Variants in PEPD observed in about 807,000 individuals in gnomAD.
PEPD encodes xaa-Pro dipeptidase.
A neutral mutation model predicts 60.7 loss-of-function variants in PEPD; 53 were observed. The ratio of observed to expected loss-of-function variants is 0.87; its 90% CI spans 0.70 to 1.10. The LOEUF (loss-of-function observed/expected upper bound fraction) is 1.10, where lower values mean the gene tolerates loss of function less well. Ranked by LOEUF, PEPD falls within the 50% of genes least tolerant of loss-of-function variation. PEPD has a pLI of 0.00. For synonymous variants in PEPD, 267 were observed against 284.1 expected (o/e 0.94, Z 0.60); for missense variants, 711 against 711.9 (o/e 1.00, Z 0.01).
At chr19:33,434,610 C>T (rs1356515486) in intron 9 of PEPD, among the ~76,000 whole-genome samples, 1 of 151,754 alleles carries the variant, frequency 6.6e-6, no homozygotes, top group Non-Finnish European at 1.5e-5. Context: ...CGCATCTGGC[C>T]TCCCTTGGTC....
intron 3 of PEPD, among the ~76,000 whole-genome samples, chr19:33,503,600 C>T (rs75538619): frequency 0.015 from 2,236 of 152,262 alleles, 20 homozygotes; most frequent in Non-Finnish European, 0.025. Context: ...CTCTCAGCAC[C>T]GAGTTGACCC....
chr19:33,428,632 C>T (rs947593809), intron 9 of PEPD, among the ~76,000 whole-genome samples: 1 of 152,208 alleles, frequency 6.6e-6, no homozygotes. Flanking sequence ...CAAGGGGCTT[C>T]TCCCACCTCT....
chr19:33,466,085 T>C (rs541314770), intron 7 of PEPD, among the ~76,000 whole-genome samples: 13 of 152,292 alleles, frequency 8.5e-5, no homozygotes, highest in East Asian at 3.9e-4. Flanking sequence ...CAGTAGAAAT[T>C]AGAACTCCAA....
rs1968219760 is a variant in PEPD, at chr19:33,391,472, C to G, written c.975G>C (p.Trp325Cys). 5 of 1,550,204 alleles carry G rather than the reference C, an allele frequency of 3.2e-6. No homozygotes were observed. In the South Asian group the frequency reaches 5.9e-5, roughly 18 times the overall value. ...AVMGAMKPGV[W>C]WPDMHRLADR... is the part of the protein sequence containing the mutation. The stretch of plus-strand genomic sequence containing the variant: ...CAGCCAGGCGGTGCATGTCAGGCCA[C>G]CAGACACCTGTGGGCCAGAGGGAGC... Residue 325 changes from tryptophan to cysteine, a missense_variant, in exon 13 of 15, where the codon TGG becomes TGC. Transcript: ENST00000244137.
At chr19:33,501,046 G>A in intron 3 of PEPD, 45 bp from the exon 4 acceptor site, 1 of 1,123,100 alleles carries the variant, frequency 8.9e-7, no homozygotes, top group Admixed American at 1.7e-5. Flanking sequence ...GCTTGGTAAT[G>A]GCTCAGCATG....
At chr19:33,443,879 GCA>G (rs145734897) in intron 9 of PEPD, among the ~76,000 whole-genome samples, 34 of 151,486 alleles carry the variant, frequency 2.2e-4, no homozygotes, top group African/African-American at 4.4e-4. Flanking sequence ...ACATGCGCGT[GCA>G]CACACACACA....
chr19:33,422,818 ATATCTATC>A (rs201899160), intron 9 of PEPD, among the ~76,000 whole-genome samples: 23,798 of 131,068 alleles, frequency 0.18, 2,101 homozygotes, highest in Admixed American at 0.28. Context: ...CCATCCTTCT[ATATCTATC>A]TATCTATCTA....
intron 12 of PEPD, among the ~76,000 whole-genome samples, chr19:33,401,124 G>A (rs971861331): frequency 2.0e-5 from 3 of 152,300 alleles, no homozygotes; most frequent in African/African-American, 4.8e-5. Flanking sequence ...TACGCTGGCC[G>A]CTGGGAGAGA....
At chr19:33,390,896 CCCACGCCCCAGGTCTGAATGAAG>C (rs1228514647) in intron 13 of PEPD, among the ~76,000 whole-genome samples, 6 of 152,138 alleles carry the variant, frequency 3.9e-5, no homozygotes, top group African/African-American at 1.4e-4. Context: ...TCATCAACTC[CCCACGCCCCAGGTCTGAATGAAG>C]CCAGAGGCGG....
chr19:33,398,673 A>G (rs1353997352), intron 12 of PEPD, among the ~76,000 whole-genome samples: 2 of 152,222 alleles, frequency 1.3e-5, no homozygotes, highest in South Asian at 2.1e-4. Flanking sequence ...TCATCCCCAG[A>G]ATGAAGGAAG....
chr19:33,431,586 C>T lies in PEPD; in HGVS notation c.672-17943G>A, dbSNP rs535569988. Among the ~76,000 whole-genome samples, 125 of 152,342 alleles carry T rather than the reference C, an allele frequency of 8.2e-4. 1 individual carries two copies. The highest frequency in any genetic ancestry group is 2.7e-3 in the African/African-American group (112 of 41,584). On this transcript the variant is annotated intron_variant, in intron 9 of 14. Coordinates refer to ENST00000244137, the MANE Select transcript of PEPD (RefSeq NM_000285.4). ...AAATTCTTCCTGGGAAGGACATCCT[C>T]GGAGACACTCCCCTCCCAATTAACA...
intron 10 of PEPD, among the ~76,000 whole-genome samples, chr19:33,412,579 A>G (rs188644593): frequency 1.3e-5 from 2 of 152,350 alleles, no homozygotes; most frequent in East Asian, 3.9e-4. Context: ...TTAAGAAAAA[A>G]AGGACTTTTA....
At chr19:33,447,208 C>T (rs1232954851) in intron 9 of PEPD, among the ~76,000 whole-genome samples, 1 of 152,226 alleles carries the variant, frequency 6.6e-6, no homozygotes, top group Non-Finnish European at 1.5e-5. Context: ...AGTGCTGTCA[C>T]AGGTGCATCC....
intron 7 of PEPD, among the ~76,000 whole-genome samples, chr19:33,471,904 G>A (rs1970127276): frequency 6.6e-6 from 1 of 152,182 alleles, no homozygotes; most frequent in Non-Finnish European, 1.5e-5. Context: ...GCTCATGCCT[G>A]TAATCCCGGC....
chr19:33,508,556 T>G (rs1242732401), intron 3 of PEPD, among the ~76,000 whole-genome samples: 2 of 152,170 alleles, frequency 1.3e-5, no homozygotes, highest in Non-Finnish European at 2.9e-5. Flanking sequence ...ATCTAGGACC[T>G]CAGCAGATGG....
At position 33,386,972 on chromosome 19, in the gene PEPD, T is replaced by C. The variant is rs1024948895; in HGVS notation, c.*372A>G. ...AAGGACCATTTTAGGAAACCTTTTA[T>C]TGCAAATGCCATTCTGCATATTGAT... On this transcript the variant is annotated 3_prime_UTR_variant, in exon 15 of 15. Coordinates refer to ENST00000244137, the MANE Select transcript of PEPD (RefSeq NM_000285.4). 5 of 276,934 alleles carry C rather than the reference T, an allele frequency of 1.8e-5. No individual in the cohort carries two copies. Among genetic ancestry groups the C allele is most frequent in the Non-Finnish European group, 3.5e-5 (5 of 143,884 alleles). 17.2% of individuals were successfully genotyped at this position (276,934 alleles called of 1,614,324 possible).
intron 9 of PEPD, among the ~76,000 whole-genome samples, chr19:33,459,805 G>A (rs890097658): frequency 2.0e-5 from 3 of 152,046 alleles, no homozygotes; most frequent in East Asian, 1.9e-4. Flanking sequence ...GTCCACCTTC[G>A]AGAAAACCAG....
chr19:33,419,968 A>C (rs557573957), intron 9 of PEPD, among the ~76,000 whole-genome samples: 12 of 152,366 alleles, frequency 7.9e-5, no homozygotes, highest in Middle Eastern at 3.4e-3. Flanking sequence ...GAGACACAAC[A>C]GACAGGAGCA....
chr19:33,480,461 C>T (rs73592124), intron 6 of PEPD, among the ~76,000 whole-genome samples: 3,563 of 152,224 alleles, frequency 0.023, 146 homozygotes, highest in African/African-American at 0.08. Context: ...AATCTACTTT[C>T]GGTAATGAAT....
Sources: allele counts gnomAD v4.1 joint callset (sites outside exome capture counted in the v4.1 genomes callset), GRCh38; gene constraint gnomAD v4.1.1; transcripts MANE v1.5; gene names NCBI Gene and HGNC (gene_info 2026-07-23, HGNC 2026-07-21).